The following NRP2 variants were observed in gnomAD, a reference collection of about 807,000 sequenced individuals.
The protein encoded by NRP2 is neuropilin-2.
NRP2 carries 52 observed loss-of-function variants against 110.4 expected under a neutral mutation model. That is an observed-to-expected ratio of 0.47 (90% CI 0.38 to 0.59). The LOEUF is 0.59. NRP2 is among the 20% of genes least tolerant of loss of function. The pLI is 0.00. For missense variants in NRP2, 1,049 were observed against 1,203.0 expected (o/e 0.87, Z 1.89); for synonymous variants, 508 against 468.9 (o/e 1.08, Z -1.08).
rs2058349376 is a variant in NRP2, at chr2:205,796,070, G to A, written c.*1012G>A. 1 of 152,172 alleles carries A rather than the reference G, an allele frequency of 6.6e-6. No individual in the cohort carries two copies. The highest frequency in any genetic ancestry group is 2.1e-4 in the South Asian group (1 of 4,822). The allele number at this position is 152,172 out of a possible 1,614,324, so 9.4% of individuals were successfully genotyped here. On this transcript the variant is annotated 3_prime_UTR_variant, in exon 17 of 17. Coordinates refer to ENST00000357785, the MANE Select transcript of NRP2 (RefSeq NM_003872.3). ...AATAGAGGGAAAAATAGAGACTATT[G>A]GTATGTTCTCCCCATCAGCGAGTTA...
chr2:205,771,001 T>A (rs1229691327), intron 15 of NRP2, among the ~76,000 whole-genome samples: 1 of 152,216 alleles, frequency 6.6e-6, no homozygotes, highest in Non-Finnish European at 1.5e-5. Context: ...GGCCAGCTTA[T>A]CTATGGGTGG....
intron 15 of NRP2, chr2:205,776,164 G>C (rs760062619): frequency 7.3e-7 from 1 of 1,367,576 alleles, no homozygotes; most frequent in Admixed American, 1.7e-5. Flanking sequence ...GCATGTGTGT[G>C]TTTCTTTCTT....
At chr2:205,789,683 G>A (rs542639985) in intron 15 of NRP2, among the ~76,000 whole-genome samples, 33 of 152,210 alleles carry the variant, frequency 2.2e-4, no homozygotes, top group Admixed American at 1.8e-3. Context: ...AGCTTTACCC[G>A]TTGGTTCTCC....
intron 9 of NRP2, among the ~76,000 whole-genome samples, chr2:205,744,577 C>T (rs2057503655): frequency 6.6e-6 from 1 of 152,224 alleles, no homozygotes; most frequent in African/African-American, 2.4e-5. Flanking sequence ...CGTCATACCT[C>T]TGTCCCTCCC....
intron 15 of NRP2, among the ~76,000 whole-genome samples, chr2:205,784,233 G>T (rs1024256151): frequency 2.0e-5 from 3 of 152,190 alleles, no homozygotes; most frequent in Non-Finnish European, 4.4e-5. Flanking sequence ...AGAGCAGCCA[G>T]CTCCAGTAAC....
chr2:205,748,839 T>C (rs2057588151), intron 10 of NRP2, among the ~76,000 whole-genome samples: 1 of 152,052 alleles, frequency 6.6e-6, no homozygotes, highest in Admixed American at 6.5e-5. Flanking sequence ...CTCCATTCAC[T>C]CCCTCAATAG....
At chr2:205,696,160 C>T (rs538696873) in intron 1 of NRP2, among the ~76,000 whole-genome samples, 8 of 152,262 alleles carry the variant, frequency 5.3e-5, no homozygotes, top group South Asian at 4.2e-4. Flanking sequence ...CCGTGTGCAG[C>T]GTGCCCATCT....
At position 205,728,593 on chromosome 2, in the gene NRP2, T is replaced by C. The variant is rs375352957; in HGVS notation, c.1146+547T>C. 3.3e-5 allele frequency among the ~76,000 whole-genome samples: 5 copies of C among 152,374 alleles called. No homozygotes were observed. The East Asian group carries it at 9.6e-4, about 29-fold the overall frequency. ...TAGCGGCGAGGCATTGAATTCTCTC[T>C]GCTGGTGCCTCCCGCATCTGCGGCT... is the stretch of plus-strand genomic sequence containing the variant. On this transcript the variant is annotated intron_variant, in intron 7 of 16. Coordinates refer to ENST00000357785, the MANE Select transcript of NRP2 (RefSeq NM_003872.3).
In NRP2 at chr2:205,791,720, C is replaced by A. The variant is rs562668796; in HGVS notation, c.2426-515C>A. ...GAAGGTCAACAGGCATTATGACATGCCTTCCATTTCTGCTCTTAAATTAAA... is the reference window on the plus strand; with the variant it reads ...GAAGGTCAACAGGCATTATGACATGACTTCCATTTCTGCTCTTAAATTAAA... On this transcript the variant is annotated intron_variant, in intron 15 of 16. Transcript: ENST00000357785. Among the ~76,000 whole-genome samples, 17 of 152,230 alleles carry A rather than the reference C, an allele frequency of 1.1e-4. No individual in the cohort carries two copies. The South Asian group carries it at 3.5e-3, about 32-fold the overall frequency.
intron 1 of NRP2, among the ~76,000 whole-genome samples, chr2:205,684,462 C>A (rs894400256): frequency 3.3e-5 from 5 of 152,192 alleles, no homozygotes; most frequent in Non-Finnish European, 7.3e-5. Flanking sequence ...GCGATGGCGG[C>A]AGTGGTAGAG....
chr2:205,722,809 A>T, intron 4 of NRP2, 101 bp downstream of exon 4: 1 of 929,962 alleles, frequency 1.1e-6, no homozygotes, highest in Non-Finnish European at 1.7e-6. Flanking sequence ...AGCTCCTATG[A>T]GTTCTTATAT....
At chr2:205,793,227 T>C (rs2058320966) in intron 16 of NRP2, among the ~76,000 whole-genome samples, 1 of 152,078 alleles carries the variant, frequency 6.6e-6, no homozygotes, top group Admixed American at 6.5e-5. Context: ...TGGAATGGAG[T>C]AGAAAGGGCA....
At chr2:205,708,148 G>C (rs58939704) in intron 2 of NRP2, among the ~76,000 whole-genome samples, 2,909 of 152,276 alleles carry the variant, frequency 0.019, 104 homozygotes, top group African/African-American at 0.066. Flanking sequence ...TGCTACCAAG[G>C]GGCCCTTTAA....
At chr2:205,740,698 A>G (rs1017813799) in intron 8 of NRP2, 35 bp downstream of exon 8, 2 of 1,612,394 alleles carry the variant, frequency 1.2e-6, no homozygotes, top group Admixed American at 1.7e-5. Flanking sequence ...TGGGGTGCTG[A>G]TTGAGCCCTA....
intron 1 of NRP2, among the ~76,000 whole-genome samples, chr2:205,695,582 C>T (rs975619938): frequency 2.6e-5 from 4 of 152,166 alleles, no homozygotes; most frequent in Admixed American, 1.3e-4. Context: ...CTCAGGTTTC[C>T]TCTGACGAAT....
In NRP2 at chr2:205,763,677, A is replaced by T. The variant is rs376722169; in HGVS notation, c.2048A>T (p.Asp683Val). The change falls in exon 13 of 17, where the codon GAC becomes GTC. Residue 683 changes from aspartate (D) to valine (V), a missense_variant. By Grantham distance (152) the Asp-to-Val change is radical (BLOSUM62 -3). Transcript: ENST00000357785. This position sits in a 1 kb window ranked among gnomAD's most constrained non-coding sequence, Gnocchi z 4.0. ...SSPNDRTFPD[D>V]RNFLRLQSDS... ...TGTTTGGGTTTGTTTCTGCCAGATG[A>T]CAGGAATTTCTTGCGGCTGCAGAGT... 1.9e-6 allele frequency: 3 copies of T among 1,614,062 alleles called. No individual in the cohort carries two copies. In the African/African-American group the frequency reaches 4.0e-5, roughly 22 times the overall value.
intron 2 of NRP2, among the ~76,000 whole-genome samples, chr2:205,700,403 A>G (rs937368880): frequency 6.6e-5 from 10 of 152,232 alleles, no homozygotes; most frequent in South Asian, 2.1e-4. Context: ...CCCAGCAAAA[A>G]GGGGAACTGA....
At chr2:205,793,807 T>C (rs1046675644) in intron 16 of NRP2, among the ~76,000 whole-genome samples, 6 of 152,204 alleles carry the variant, frequency 3.9e-5, no homozygotes, top group African/African-American at 1.4e-4. Flanking sequence ...GGTTAGGACT[T>C]CAATATGAAT....
At chr2:205,722,336 T>C in intron 3 of NRP2, 142 bp from the exon 4 acceptor site, 2 of 714,054 alleles carry the variant, frequency 2.8e-6, no homozygotes, top group South Asian at 3.0e-5. Context: ...GTGAAGAGTA[T>C]GTTGCTTCAA....
Sources: gnomAD v4.1 joint callset for allele counts (sites outside exome capture counted in the v4.1 genomes callset) on GRCh38, gnomAD v4.1.1 for gene constraint, Gnocchi (gnomAD v3.1) non-coding constraint, MANE v1.5 for transcripts, NCBI Gene and HGNC (gene_info 2026-07-23, HGNC 2026-07-21) for gene names.